The following CA3 variants were observed in gnomAD, a reference collection of about 807,000 sequenced individuals.
CA3 encodes the protein CA-III.
CA3 carries 30 observed loss-of-function variants against 35.7 expected under a neutral mutation model. That is an observed-to-expected ratio of 0.84 (90% CI 0.63 to 1.14). CA3 has a LOEUF of 1.14. Ranked by LOEUF, CA3 falls within the 50% of genes most tolerant of loss-of-function variation. CA3 has a pLI of 0.00. For synonymous variants in CA3, 131 were observed against 130.8 expected, an observed-to-expected ratio of 1.00 and a Z score of -0.01; for missense variants, 295 against 328.5, an observed-to-expected ratio of 0.90 and a Z score of 0.79.
intron 4 of CA3, among the ~76,000 whole-genome samples, chr8:85,444,379 G>A (rs1157198643): frequency 6.6e-6 from 1 of 152,106 alleles, no homozygotes; most frequent in Admixed American, 6.5e-5. Flanking sequence ...GTGTGTGTGT[G>A]TGTGTAGGTG....
intron 5 of CA3, among the ~76,000 whole-genome samples, chr8:85,445,687 T>G (rs949979334): frequency 2.0e-5 from 3 of 152,228 alleles, no homozygotes; most frequent in Non-Finnish European, 4.4e-5. Flanking sequence ...AGAAACATTT[T>G]AATTATTTTT....
chr8:85,442,470 T>C (rs1811221437), intron 3 of CA3: 1 of 286,762 alleles, frequency 3.5e-6, no homozygotes, highest in Non-Finnish European at 6.8e-6. Flanking sequence ...CTCAACACTT[T>C]GGGAGGCTGA....
chr8:85,443,408 C>A (rs1276506146), intron 3 of CA3, among the ~76,000 whole-genome samples: 1 of 152,164 alleles, frequency 6.6e-6, no homozygotes, highest in African/African-American at 2.4e-5. Context: ...AGCTCAGAAA[C>A]ACACTATGAA....
Position 85,439,570 on chromosome 8 carries a change from A to C in CA3, c.35-142A>C, listed in dbSNP as rs1460070491. ...ACCAACAGGCCTGAAATGAATGCTAAGTCTCTTATTGCCCAGTCTGAAACC... is the reference window on the plus strand; with the variant it reads ...ACCAACAGGCCTGAAATGAATGCTACGTCTCTTATTGCCCAGTCTGAAACC... On this transcript the variant is annotated intron_variant, in intron 1 of 6. Transcript: ENST00000285381. 4.9e-6 allele frequency: 3 copies of C among 606,688 alleles called. No homozygotes were observed. The African/African-American group carries it at 5.5e-5, about 11-fold the overall frequency. The allele number at this position is 606,688 out of a possible 1,614,324, so 37.6% of individuals were successfully genotyped here.
intron 2 of CA3, among the ~76,000 whole-genome samples, chr8:85,440,615 C>A (rs1187947127): frequency 6.6e-6 from 1 of 152,130 alleles, no homozygotes; most frequent in Non-Finnish European, 1.5e-5. Flanking sequence ...GTCAGAAATA[C>A]TTTATTTCAC....
At chr8:85,444,387 G>A (rs1237754808) in intron 4 of CA3, among the ~76,000 whole-genome samples, 2 of 151,298 alleles carry the variant, frequency 1.3e-5, no homozygotes, top group East Asian at 2.0e-4. Flanking sequence ...GTGTGTGTAG[G>A]TGTTGGGGAC....
At chr8:85,446,362 ATC>A in intron 6 of CA3, 65 bp downstream of exon 6, 3 of 1,536,606 alleles carry the variant, frequency 2.0e-6, no homozygotes, top group Admixed American at 1.8e-5. Context: ...CAGATGCTAA[ATC>A]AAAAATACAT....
rs576654744 is a variant in CA3 at position 85,439,078 on chromosome 8, G to A, written c.34+135G>A. Reference sequence around the variant, plus strand: ...AGAATAAGACCTAACATTTACTGAGGCTTTTCAACTGCCAAATGCTGCTGC... The same window carrying A: ...AGAATAAGACCTAACATTTACTGAGACTTTTCAACTGCCAAATGCTGCTGC... On this transcript the variant is annotated intron_variant, in intron 1 of 6. Transcript: ENST00000285381. 1.1e-4 allele frequency: 91 copies of A among 855,190 alleles called. No individual in the cohort carries two copies. In the African/African-American group the frequency reaches 1.4e-3, roughly 13 times the overall value. 53.0% of individuals were successfully genotyped at this position (855,190 alleles called of 1,614,324 possible).
In CA3 at chr8:85,444,024, A is replaced by G. The variant is rs1183648012; in HGVS notation, c.352-10A>G. 1 of 1,580,758 alleles carries G rather than the reference A, an allele frequency of 6.3e-7. No individual in the cohort carries two copies. Among genetic ancestry groups the G allele is most frequent in the African/African-American group, 1.3e-5 (1 of 74,380 alleles). Reference sequence around the variant, plus strand: ...GAATTTACCTTCTAATCTGTCTTCTATGGTTTCAGCTTCATTTGGTTCACT... The same window carrying G: ...GAATTTACCTTCTAATCTGTCTTCTGTGGTTTCAGCTTCATTTGGTTCACT... On this transcript the variant is annotated splice_polypyrimidine_tract_variant and intron_variant, in intron 3 of 6. Coordinates refer to ENST00000285381, the MANE Select transcript of CA3 (RefSeq NM_005181.4).
At chr8:85,447,756 G>A (rs556284126) in intron 6 of CA3, among the ~76,000 whole-genome samples, 26 of 152,196 alleles carry the variant, frequency 1.7e-4, no homozygotes, top group East Asian at 3.9e-4. Flanking sequence ...AAAATTAGCC[G>A]GGCAAGGTGG....
At chr8:85,443,970 A>T in intron 3 of CA3, 64 bp from the exon 4 acceptor site, 1 of 1,101,604 alleles carries the variant, frequency 9.1e-7, no homozygotes, top group Non-Finnish European at 1.4e-6. Flanking sequence ...TTTATTGTGG[A>T]TAATGTTGTA....
chr8:85,446,147 G>A lies in CA3; in HGVS notation c.513G>A (p.Lys171=). 1 of 1,607,572 alleles carries A rather than the reference G, an allele frequency of 6.2e-7. No individual in the cohort carries two copies. Among genetic ancestry groups the A allele is most frequent in the South Asian group, 1.1e-5 (1 of 90,024 alleles). Residue 171 remains lysine, a synonymous_variant, in exon 6 of 7, where the codon AAG becomes AAA. Transcript: ENST00000285381. ...TGCAACCTGCTCTTACCCAGGGCAAGGAGGCGCCCTTCACAAAGTTTGACC... is the reference window on the plus strand; with the variant it reads ...TGCAACCTGCTCTTACCCAGGGCAAAGAGGCGCCCTTCACAAAGTTTGACC... ...DALDKIKTKG[K]EAPFTKFDPS...
chr8:85,440,791 C>T (rs1296208417), intron 2 of CA3, among the ~76,000 whole-genome samples: 1 of 152,136 alleles, frequency 6.6e-6, no homozygotes, highest in Admixed American at 6.5e-5. Context: ...TTCCTACCTA[C>T]CAGGAGGTTC....
intron 6 of CA3, among the ~76,000 whole-genome samples, 166 bp from the exon 7 acceptor site, chr8:85,447,868 C>A (rs367865563): frequency 1.3e-5 from 2 of 152,138 alleles, no homozygotes; most frequent in East Asian, 1.9e-4. Context: ...CCACTGCACT[C>A]CAGCCTGGCT....
chr8:85,443,955 T>C, intron 3 of CA3, 79 bp from the exon 4 acceptor site: 1 of 992,070 alleles, frequency 1.0e-6, no homozygotes, highest in African/African-American at 1.6e-5. Flanking sequence ...TGTACAATGA[T>C]TGGGTTTATT....
intron 2 of CA3, among the ~76,000 whole-genome samples, chr8:85,440,411 A>T (rs572387569): frequency 2.6e-5 from 4 of 152,294 alleles, no homozygotes; most frequent in African/African-American, 9.6e-5. Flanking sequence ...AGGTGTCAAG[A>T]TGACTTGCCT....
intron 2 of CA3, 47 bp from the exon 3 acceptor site, chr8:85,442,026 T>C: frequency 1.0e-6 from 1 of 961,978 alleles, no homozygotes; most frequent in Non-Finnish European, 1.7e-6. Context: ...TAGAGCTCTG[T>C]AAAAGAAGCA....
intron 1 of CA3, among the ~76,000 whole-genome samples, chr8:85,439,291 T>C (rs146341657): frequency 3.2e-4 from 48 of 152,260 alleles, no homozygotes; most frequent in African/African-American, 1.0e-3. Flanking sequence ...TAACCTGAGC[T>C]TGGTGCCGGT....
In CA3 at chr8:85,447,200, T is replaced by C. The variant is rs144639472; in HGVS notation, c.664-834T>C. Among the ~76,000 whole-genome samples, 421 of 148,014 alleles carry C rather than the reference T, an allele frequency of 2.8e-3. 1 individual carries two copies. The highest frequency in any genetic ancestry group is 4.9e-3 in the Non-Finnish European group (331 of 68,022). Reference sequence around the variant, plus strand: ...AATCTAAAAATATTTTAATATAGAATCATAGTGTTATTAATGAGAATTTCT... The same window carrying C: ...AATCTAAAAATATTTTAATATAGAACCATAGTGTTATTAATGAGAATTTCT... On this transcript the variant is annotated intron_variant, in intron 6 of 6. Coordinates refer to ENST00000285381, the MANE Select transcript of CA3 (RefSeq NM_005181.4).
Sources: gnomAD v4.1 joint callset for allele counts (sites outside exome capture counted in the v4.1 genomes callset) on GRCh38, gnomAD v4.1.1 for gene constraint, MANE v1.5 for transcripts, NCBI Gene and HGNC (gene_info 2026-07-23, HGNC 2026-07-21) for gene names.